DNM1L: variants seen among roughly 807,000 people sequenced by gnomAD.
The protein encoded by DNM1L is dynamin 1L.
DNM1L carries 33 observed loss-of-function variants against 92.8 expected under a neutral mutation model. The observed-to-expected ratio is 0.36, with a 90% CI of 0.27 to 0.48. DNM1L has a LOEUF of 0.48. DNM1L is among the 20% of genes least tolerant of loss of function. The probability of loss-of-function intolerance (pLI) is 0.99; values close to 1 mark genes in which losing one functional copy is unlikely to be tolerated. For synonymous variants in DNM1L, 284 were observed against 305.0 expected (o/e 0.93, Z 0.72); for missense variants, 485 against 888.8 (o/e 0.55, Z 5.78).
intron 13 of DNM1L, among the ~76,000 whole-genome samples, chr12:32,736,067 CT>C (rs773591822): frequency 0.11 from 12,790 of 112,968 alleles, 645 homozygotes; most frequent in African/African-American, 0.14. Context: ...TCTTCATAAT[CT>C]TTTTTTTTTT....
At chr12:32,720,883 A>G in intron 8 of DNM1L, 88 bp downstream of exon 8, 1 of 1,531,820 alleles carries the variant, frequency 6.5e-7, no homozygotes, top group Non-Finnish European at 9.0e-7. Flanking sequence ...TTACATTTTC[A>G]TACTGTTCCT....
intron 1 of DNM1L, among the ~76,000 whole-genome samples, chr12:32,687,695 C>T (rs189109828): frequency 1.6e-4 from 25 of 152,180 alleles, no homozygotes; most frequent in African/African-American, 6.0e-4. Flanking sequence ...GGTGATCCAT[C>T]CACCTCGGCC....
intron 6 of DNM1L, among the ~76,000 whole-genome samples, chr12:32,717,471 G>C (rs191273206): frequency 2.2e-4 from 22 of 97,812 alleles, no homozygotes; most frequent in East Asian, 1.0e-3. Context: ...TAAATATATA[G>C]TATATATATT....
At chr12:32,680,833 T>A (rs190153655) in intron 1 of DNM1L, among the ~76,000 whole-genome samples, 1 of 152,206 alleles carries the variant, frequency 6.6e-6, no homozygotes, top group Non-Finnish European at 1.5e-5. Context: ...AAAACTAACC[T>A]GTTTTTGTAA....
intron 6 of DNM1L, among the ~76,000 whole-genome samples, chr12:32,716,248 G>C (rs1056587801): frequency 8.6e-5 from 13 of 151,620 alleles, no homozygotes; most frequent in South Asian, 2.1e-4. Context: ...TTGGTGGGGG[G>C]GGGTGGCAAT....
intron 2 of DNM1L, among the ~76,000 whole-genome samples, chr12:32,704,711 AAGAT>A (rs1157695438): frequency 6.6e-6 from 1 of 152,186 alleles, no homozygotes; most frequent in African/African-American, 2.4e-5. Context: ...TTAAAGGAAA[AAGAT>A]AGGATTAATT....
chr12:32,687,350 C>T (rs11052171), intron 1 of DNM1L, among the ~76,000 whole-genome samples: 23,375 of 151,658 alleles, frequency 0.15, 1,900 homozygotes, highest in Middle Eastern at 0.21. Flanking sequence ...TTTTTTTGCA[C>T]GTGCTTCTCC....
At position 32,721,092 on chromosome 12, in the gene DNM1L, C is replaced by G. The variant is rs905626267; in HGVS notation, c.872+297C>G. ...TAGAGATGACTTCATTTCCACTTTG[C>G]ATTTCAGGAACTGATTAAAATTTGT... is the stretch of plus-strand genomic sequence containing the variant. On this transcript the variant is annotated intron_variant, in intron 8 of 19. Coordinates refer to ENST00000549701, the MANE Select transcript of DNM1L (RefSeq NM_012062.5). 1.2e-4 allele frequency among the ~76,000 whole-genome samples: 18 copies of G among 152,264 alleles called. No homozygotes were observed. In the South Asian group the frequency reaches 1.2e-3, roughly 11 times the overall value.
intron 1 of DNM1L, among the ~76,000 whole-genome samples, chr12:32,697,755 C>G (rs1952527790): frequency 6.6e-6 from 1 of 151,004 alleles, no homozygotes; most frequent in South Asian, 2.1e-4. Context: ...ACAGATAAAC[C>G]CTCCTTTCAC....
chr12:32,716,850 G>T (rs1264703118), intron 6 of DNM1L, among the ~76,000 whole-genome samples: 1 of 146,816 alleles, frequency 6.8e-6, no homozygotes, highest in Non-Finnish European at 1.5e-5. Context: ...GAATAAAGCT[G>T]CTGTAGATAT....
In DNM1L at chr12:32,707,424, A is replaced by G; in HGVS notation, c.297+11A>G. 6.4e-7 allele frequency: 1 copy of G among 1,571,734 alleles called. No homozygotes were observed. The highest frequency in any genetic ancestry group is 8.6e-7 in the Non-Finnish European group (1 of 1,156,498). On this transcript the variant is annotated intron_variant, in intron 3 of 19. Coordinates refer to ENST00000549701, the MANE Select transcript of DNM1L (RefSeq NM_012062.5). ...CACACCAAAAATAAGGTAATCACAC[A>G]TGCATATAATGAAGAAATAATGTTG...
intron 1 of DNM1L, among the ~76,000 whole-genome samples, chr12:32,691,222 A>G (rs1346125372): frequency 6.6e-6 from 1 of 151,730 alleles, no homozygotes. Context: ...GTCAGTTTGG[A>G]TTATGGGCCC....
rs71831581 is a variant in DNM1L at position 32,739,277 on chromosome 12, TA to T, written c.1708-779del. Among the ~76,000 whole-genome samples the T allele has an allele frequency of 5.7e-4, 87 of 151,954 alleles. 2 individuals carry two copies. The highest frequency in any genetic ancestry group is 2.1e-3 in the African/African-American group (86 of 41,446). ...AGATTGTAAGATCTTAAAGAATACC[TA>T]AAAAAAACCCTCTTAAATGTTGATG... is the stretch of plus-strand genomic sequence containing the variant. On this transcript the variant is annotated intron_variant, in intron 16 of 19. Coordinates refer to ENST00000549701, the MANE Select transcript of DNM1L (RefSeq NM_012062.5).
At chr12:32,737,209 G>A (rs1407974267) in intron 14 of DNM1L, 48 bp downstream of exon 14, 1 of 1,589,668 alleles carries the variant, frequency 6.3e-7, no homozygotes, top group South Asian at 1.1e-5. Context: ...AAGATAGATT[G>A]ATGAGCTCAG....
At chr12:32,701,359 T>C in intron 1 of DNM1L, 56 bp from the exon 2 acceptor site, 1 of 1,509,634 alleles carries the variant, frequency 6.6e-7, no homozygotes, top group South Asian at 1.2e-5. Context: ...GTTTATTGAA[T>C]TAACAAAAAA....
At chr12:32,720,489 C>T (rs546358069) in intron 7 of DNM1L, among the ~76,000 whole-genome samples, 175 bp from the exon 8 acceptor site, 2 of 152,246 alleles carry the variant, frequency 1.3e-5, no homozygotes, top group African/African-American at 2.4e-5. Flanking sequence ...TTTTTGTGAG[C>T]CTCAGTTCCT....
intron 1 of DNM1L, among the ~76,000 whole-genome samples, chr12:32,687,455 G>GTTT (rs1952060087): frequency 6.6e-6 from 1 of 151,844 alleles, no homozygotes; most frequent in Non-Finnish European, 1.5e-5. Context: ...TTTTGTTGTT[G>GTTT]TTGTTGAGAC....
At chr12:32,685,105 A>C (rs1951953862) in intron 1 of DNM1L, among the ~76,000 whole-genome samples, 1 of 150,656 alleles carries the variant, frequency 6.6e-6, no homozygotes, top group South Asian at 2.1e-4. Flanking sequence ...ACGCCCAGCT[A>C]ATTTTTTGTT....
At chr12:32,733,517 T>G in intron 12 of DNM1L, 198 bp from the exon 13 acceptor site, 1 of 561,740 alleles carries the variant, frequency 1.8e-6, no homozygotes, top group Non-Finnish European at 3.1e-6. Context: ...GATGCTGAAA[T>G]GTAAATAATT....
Sources: gnomAD v4.1 joint callset for allele counts (sites outside exome capture counted in the v4.1 genomes callset) on GRCh38, gnomAD v4.1.1 for gene constraint, MANE v1.5 for transcripts, NCBI Gene and HGNC (gene_info 2026-07-23, HGNC 2026-07-21) for gene names.